The following HEATR6 variants were observed in gnomAD, a reference collection of about 807,000 sequenced individuals.
HEATR6 encodes HEAT repeat containing 6, also known as HEAT repeat-containing protein 6.
A neutral mutation model predicts 132.8 loss-of-function variants in HEATR6; 106 were observed. The observed-to-expected ratio is 0.80, with a 90% CI of 0.68 to 0.94. The LOEUF is 0.94. Ranked by LOEUF, HEATR6 falls within the 40% of genes least tolerant of loss-of-function variation. HEATR6 has a pLI of 0.00. For missense variants in HEATR6, 1,339 were observed against 1,425.1 expected (o/e 0.94, Z 0.97); for synonymous variants, 529 against 537.8 (o/e 0.98, Z 0.23).
intron 7 of HEATR6, among the ~76,000 whole-genome samples, chr17:60,068,176 C>G (rs939712680): frequency 1.3e-5 from 2 of 152,164 alleles, no homozygotes; most frequent in Admixed American, 1.3e-4. Context: ...TTTATCAGTT[C>G]TCCGAGTAAG....
At chr17:60,071,038 T>C (rs962108854) in intron 5 of HEATR6, among the ~76,000 whole-genome samples, 1 of 152,206 alleles carries the variant, frequency 6.6e-6, no homozygotes, top group African/African-American at 2.4e-5. Flanking sequence ...GGTCTTATTG[T>C]ACATGTTTAT....
chr17:60,059,789 C>T, intron 10 of HEATR6, 101 bp downstream of exon 10: 1 of 853,962 alleles, frequency 1.2e-6, no homozygotes, highest in Non-Finnish European at 1.9e-6. Context: ...AAAACTATTA[C>T]TTAGTTATAT....
In HEATR6 at chr17:60,073,736, T is replaced by C; in HGVS notation, c.468+10A>G. 1 of 1,613,256 alleles carries C rather than the reference T, an allele frequency of 6.2e-7. No homozygotes were observed. Among genetic ancestry groups the C allele is most frequent in the Non-Finnish European group, 8.5e-7 (1 of 1,179,632 alleles). ...GCCTTTCAAAGGAAGGATAAAGCAC[T>C]TTAAACTACCTTTTGACATTTGGAG... On this transcript the variant is annotated intron_variant, in intron 3 of 19. Transcript: ENST00000184956.
chr17:60,043,226 T>C lies in HEATR6; in HGVS notation c.*337A>G, dbSNP rs142900671. 1 of 284,404 alleles carries C rather than the reference T, an allele frequency of 3.5e-6. No individual in the cohort carries two copies. Among genetic ancestry groups the C allele is most frequent in the African/African-American group, 2.2e-5 (1 of 44,920 alleles). The allele number at this position is 284,404 out of a possible 1,614,324, so 17.6% of individuals were successfully genotyped here. A position where few individuals can be genotyped will look rare whatever the true frequency, so the allele number is the denominator to read the frequency against. Reference sequence around the variant, plus strand: ...CGTTAGTTTATTACAAAACTACAGATACAATACACAAAATTCTAATTCCGA... The same window carrying C: ...CGTTAGTTTATTACAAAACTACAGACACAATACACAAAATTCTAATTCCGA... On this transcript the variant is annotated 3_prime_UTR_variant, in exon 20 of 20. Coordinates refer to ENST00000184956, the MANE Select transcript of HEATR6 (RefSeq NM_022070.5).
chr17:60,043,830 T>C lies in HEATR6; in HGVS notation c.3279A>G (p.Glu1093=). The change falls in exon 20 of 20, where the codon GAA becomes GAG. Residue 1093 remains glutamate, a synonymous_variant. Coordinates refer to ENST00000184956, the MANE Select transcript of HEATR6 (RefSeq NM_022070.5). ...CCATATTCCCACTCAGTTCAAGGGT[T>C]TCTTTCATACAAGGGAGGTCCGAGG... is the stretch of plus-strand genomic sequence containing the variant. ...ASASDLPCMK[E]TLELSGNMVQ... is the part of the protein sequence containing the mutation. 1.2e-6 allele frequency: 2 copies of C among 1,614,200 alleles called. No individual in the cohort carries two copies. The highest frequency in any genetic ancestry group is 1.7e-6 in the Non-Finnish European group (2 of 1,180,046).
chr17:60,075,854 A>C (rs2083293362), intron 2 of HEATR6: 1 of 184,026 alleles, frequency 5.4e-6, no homozygotes, highest in Non-Finnish European at 1.1e-5. Flanking sequence ...AAAAAAAAAA[A>C]AAAAGAAATT....
rs73994272 is a variant in HEATR6, at chr17:60,042,340, C to A, written c.*1223G>T. 0.017 allele frequency among the ~76,000 whole-genome samples: 2,522 copies of A among 147,152 alleles called. 67 individuals are homozygous for A. The highest frequency in any genetic ancestry group is 0.058 in the African/African-American group (2,202 of 37,916). On this transcript the variant is annotated 3_prime_UTR_variant, in exon 20 of 20. Coordinates refer to ENST00000184956, the MANE Select transcript of HEATR6 (RefSeq NM_022070.5). Reference sequence around the variant, plus strand: ...GAGCAGCAGCTCATCAGCTGTGAGGCACCGTCAGCATCCTTGCGTCCTGTG... The same window carrying A: ...GAGCAGCAGCTCATCAGCTGTGAGGAACCGTCAGCATCCTTGCGTCCTGTG...
chr17:60,046,263 T>C lies in HEATR6; in HGVS notation c.2770-34A>G, dbSNP rs1316977969. ...AATGTAAATGCTTTAGAAATCTGTT[T>C]GGCCAAAGAGATGTTTCCAAAAGTC... On this transcript the variant is annotated intron_variant, in intron 18 of 19. Coordinates refer to ENST00000184956, the MANE Select transcript of HEATR6 (RefSeq NM_022070.5). 4 of 1,534,790 alleles carry C rather than the reference T, an allele frequency of 2.6e-6. No homozygotes were observed. In the East Asian group the frequency reaches 6.8e-5, roughly 26 times the overall value.
chr17:60,068,834 T>G (rs1015426342), intron 7 of HEATR6, among the ~76,000 whole-genome samples: 1 of 152,184 alleles, frequency 6.6e-6, no homozygotes. Context: ...GTCCTCAATG[T>G]GTTCCCAGAG....
intron 18 of HEATR6, among the ~76,000 whole-genome samples, chr17:60,046,995 G>A (rs375185039): frequency 6.6e-6 from 1 of 151,550 alleles, no homozygotes; most frequent in Non-Finnish European, 1.5e-5. Flanking sequence ...TCAAAGCCAA[G>A]AGCTACTCAT....
rs1906513462 is a variant in HEATR6 at position 60,049,587 on chromosome 17, A to C, written c.2540T>G (p.Leu847Arg). The change falls in exon 16 of 20, where the codon CTC (leucine) becomes CGC (arginine). Residue 847 changes from leucine (L) to arginine (R), a missense_variant. Transcript: ENST00000184956. ...ALGVYVLFPC[L>R]RQDVIFVADA... The stretch of plus-strand genomic sequence containing the variant: ...AAATAGGCTCACTCTGACCTGTCTG[A>C]GACAGGGAAAAAGCACATAGACTCC... 6.2e-7 allele frequency: 1 copy of C among 1,613,820 alleles called. No homozygotes were observed. The highest frequency in any genetic ancestry group is 8.5e-7 in the Non-Finnish European group (1 of 1,179,768).
Position 60,049,724 on chromosome 17 carries a change from G to A in HEATR6, c.2425-22C>T, listed in dbSNP as rs367636571. ...CATTCTGCAATGAGAAGGTTGACAA[G>A]GGAAAAATGAGAATGAAATAACTAC... On this transcript the variant is annotated intron_variant, in intron 15 of 19. Transcript: ENST00000184956. The A allele has an allele frequency of 8.7e-6, 14 of 1,609,248 alleles. No homozygotes were observed. The East Asian group carries it at 1.1e-4, about 13-fold the overall frequency.
intron 10 of HEATR6, 148 bp downstream of exon 10, chr17:60,059,742 C>A: frequency 1.4e-6 from 1 of 693,090 alleles, no homozygotes; most frequent in Non-Finnish European, 2.5e-6. Context: ...TAAGATCAGA[C>A]GAGTAGGTAC....
At position 60,046,316 on chromosome 17, in the gene HEATR6, G is replaced by A. The variant is rs190883034; in HGVS notation, c.2770-87C>T. 1.5e-5 allele frequency: 15 copies of A among 1,004,180 alleles called. No individual in the cohort carries two copies. The African/African-American group carries it at 2.1e-4, about 14-fold the overall frequency. 62.2% of individuals were successfully genotyped at this position (1,004,180 alleles called of 1,614,324 possible). A position where few individuals can be genotyped will look rare whatever the true frequency, so the allele number is the denominator to read the frequency against. ...ATTTCAGCTTTAAAAAAACCCAGGAGGTCTTCAACTTCTTAAAGCAAGTCC... is the reference window on the plus strand; with the variant it reads ...ATTTCAGCTTTAAAAAAACCCAGGAAGTCTTCAACTTCTTAAAGCAAGTCC... On this transcript the variant is annotated intron_variant, in intron 18 of 19. Coordinates refer to ENST00000184956, the MANE Select transcript of HEATR6 (RefSeq NM_022070.5).
intron 14 of HEATR6, among the ~76,000 whole-genome samples, chr17:60,051,992 C>T (rs1029628256): frequency 1.1e-4 from 16 of 152,216 alleles, no homozygotes; most frequent in Non-Finnish European, 2.1e-4. Flanking sequence ...AATGACAGCA[C>T]GAAACCTCCA....
chr17:60,050,686 A>G (rs937293819), intron 15 of HEATR6, among the ~76,000 whole-genome samples, 157 bp downstream of exon 15: 3 of 152,148 alleles, frequency 2.0e-5, no homozygotes, highest in Non-Finnish European at 2.9e-5. Context: ...AAGTTTTCCT[A>G]TTTGCTGTTC....
At chr17:60,070,948 C>A (rs2083267222) in intron 5 of HEATR6, 141 bp from the exon 6 acceptor site, 1 of 568,460 alleles carries the variant, frequency 1.8e-6, no homozygotes, top group Non-Finnish European at 3.1e-6. Flanking sequence ...CACATATACA[C>A]ACACAAAGCA....
intron 9 of HEATR6, 152 bp downstream of exon 9, chr17:60,066,057 C>T (rs750418237): frequency 7.5e-5 from 48 of 641,852 alleles, no homozygotes; most frequent in Non-Finnish European, 1.3e-4. Context: ...AAGCCCACTT[C>T]CTATTTTCCT....
chr17:60,067,820 T>A, intron 7 of HEATR6, 88 bp from the exon 8 acceptor site: 1 of 1,037,528 alleles, frequency 9.6e-7, no homozygotes, highest in Non-Finnish European at 1.4e-6. Flanking sequence ...TTAAAGTGAC[T>A]AAATATGTCC....
Sources: allele counts gnomAD v4.1 joint callset (sites outside exome capture counted in the v4.1 genomes callset), GRCh38; gene constraint gnomAD v4.1.1; transcripts MANE v1.5; gene names NCBI Gene and HGNC (gene_info 2026-07-23, HGNC 2026-07-21).